The following SUZ12 variants were observed in gnomAD, a reference collection of about 807,000 sequenced individuals.
The protein encoded by SUZ12 is polycomb protein SUZ12.
A neutral mutation model predicts 87.3 loss-of-function variants in SUZ12; 17 were observed. The observed-to-expected ratio is 0.19, with a 90% CI of 0.13 to 0.29. The LOEUF is 0.29. SUZ12 is among the 10% of genes least tolerant of loss of function. The pLI is 1.00. For missense variants in SUZ12, 526 were observed against 912.2 expected (o/e 0.58, Z 5.45); for synonymous variants, 253 against 312.4 (o/e 0.81, Z 2.01).
intron 12 of SUZ12, chr17:31,994,246 A>G (rs942815520): frequency 8.8e-6 from 4 of 453,962 alleles, no homozygotes; most frequent in Non-Finnish European, 1.5e-5. Flanking sequence ...ATATATTTGG[A>G]ATTATAATTA....
chr17:31,979,070 C>G (rs1287191947), intron 8 of SUZ12, among the ~76,000 whole-genome samples: 1 of 138,784 alleles, frequency 7.2e-6, no homozygotes, highest in Non-Finnish European at 1.5e-5. Context: ...CGCGCCGCTG[C>G]ACTCCAGCCT....
chr17:31,995,863 A>C (rs35646011), intron 14 of SUZ12, 101 bp downstream of exon 14: 2 of 319,268 alleles, frequency 6.3e-6, no homozygotes, highest in Non-Finnish European at 1.0e-5. Context: ...AACTTTTTTT[A>C]AAAAAAAAAA....
chr17:31,944,753 AT>A (rs1198951411), intron 3 of SUZ12, among the ~76,000 whole-genome samples: 2 of 152,176 alleles, frequency 1.3e-5, no homozygotes, highest in East Asian at 1.9e-4. Flanking sequence ...CTTGTGTAAC[AT>A]TTAGTACTTA....
chr17:31,981,436 C>T (rs1909096398), intron 8 of SUZ12, among the ~76,000 whole-genome samples: 1 of 152,162 alleles, frequency 6.6e-6, no homozygotes, highest in Non-Finnish European at 1.5e-5. Context: ...AGCACTTGAT[C>T]AGGCTGTGGG....
In SUZ12 at chr17:32,000,555, A is replaced by G. The variant is rs1598195541; in HGVS notation, c.*1552A>G. 4.3e-6 allele frequency: 1 copy of G among 232,218 alleles called. No individual in the cohort carries two copies. Among genetic ancestry groups the G allele is most frequent in the Non-Finnish European group, 8.5e-6 (1 of 117,660 alleles). The allele number at this position is 232,218 out of a possible 1,614,324, so 14.4% of individuals were successfully genotyped here. On this transcript the variant is annotated 3_prime_UTR_variant, in exon 16 of 16. Transcript: ENST00000322652. ...CTCTCCAAATGATGAGTTCTAGTAA[A>G]CTCTGATTTTTGCCTCTGGATAGTA...
chr17:31,977,955 C>T (rs1295785744), intron 8 of SUZ12, among the ~76,000 whole-genome samples: 1 of 152,108 alleles, frequency 6.6e-6, no homozygotes, highest in Non-Finnish European at 1.5e-5. Context: ...TACAGGATGG[C>T]AAGAAACACA....
intron 4 of SUZ12, among the ~76,000 whole-genome samples, chr17:31,962,556 A>C (rs1907794854): frequency 6.6e-6 from 1 of 151,368 alleles, no homozygotes; most frequent in Non-Finnish European, 1.5e-5. Flanking sequence ...GTGCCACTGT[A>C]TACCAGTCTG....
At chr17:31,977,081 C>T (rs1165899484) in intron 8 of SUZ12, among the ~76,000 whole-genome samples, 1 of 152,048 alleles carries the variant, frequency 6.6e-6, no homozygotes, top group South Asian at 2.1e-4. Context: ...TGGACTGGGC[C>T]CTACGTAAAT....
chr17:31,988,597 C>CT (rs57744180), intron 10 of SUZ12, 100 bp downstream of exon 10: 84,629 of 929,276 alleles, frequency 0.091, 100 homozygotes, highest in East Asian at 0.1. Context: ...TGTGATTCTT[C>CT]TTTTTTTTTT....
chr17:31,967,990 G>T (rs1323988256), intron 5 of SUZ12, among the ~76,000 whole-genome samples: 1 of 152,142 alleles, frequency 6.6e-6, no homozygotes, highest in Non-Finnish European at 1.5e-5. Context: ...CTGTCTGTAA[G>T]AAGTAAAAAA....
At chr17:31,952,737 A>C (rs911159311) in intron 4 of SUZ12, among the ~76,000 whole-genome samples, 3 of 151,262 alleles carry the variant, frequency 2.0e-5, no homozygotes, top group African/African-American at 7.3e-5. Flanking sequence ...TACTTTTTGC[A>C]TTTTTAGTAG....
intron 15 of SUZ12, among the ~76,000 whole-genome samples, chr17:31,997,408 A>C (rs1037713599): frequency 6.6e-6 from 1 of 152,156 alleles, no homozygotes; most frequent in Non-Finnish European, 1.5e-5. Flanking sequence ...CATGCCTGTA[A>C]TCCCAGTACT....
In SUZ12 at chr17:31,937,200, G is replaced by C. The variant is rs1905979617; in HGVS notation, c.-47G>C. The C allele has an allele frequency of 4.3e-6, 6 of 1,391,782 alleles. No homozygotes were observed. The highest frequency in any genetic ancestry group is 5.5e-6 in the Non-Finnish European group (6 of 1,083,144). 86.2% of individuals were successfully genotyped at this position (1,391,782 alleles called of 1,614,324 possible). On this transcript the variant is annotated 5_prime_UTR_variant, in exon 1 of 16. Transcript: ENST00000322652. ...TTGGTATTGCAGGCGCTTGCTCTCC[G>C]GGGCCGCCCGGCGGGTAGCTGGCGG...
Position 31,998,822 on chromosome 17 carries a change from A to G in SUZ12, c.2039A>G (p.Lys680Arg). The part of the protein sequence containing the change: ...SIMSIDKAVT[K>R]LREMQQKLEK... Reference sequence around the variant, plus strand: ...ATGTCAATAGATAAAGCTGTTACCAAGCTCCGTGAAATGCAGCAAAAATTA... The same window carrying G: ...ATGTCAATAGATAAAGCTGTTACCAGGCTCCGTGAAATGCAGCAAAAATTA... The change falls in exon 16 of 16, where the codon AAG (lysine) becomes AGG (arginine). Residue 680 changes from lysine to arginine, a missense_variant. This residue lies in a region of SUZ12 where 143 missense variants were observed against 321.6 expected (regional missense o/e 0.44). Transcript: ENST00000322652. The G allele has an allele frequency of 6.2e-7, 1 of 1,613,722 alleles. No individual in the cohort carries two copies. Among genetic ancestry groups the G allele is most frequent in the Non-Finnish European group, 8.5e-7 (1 of 1,179,882 alleles).
intron 4 of SUZ12, among the ~76,000 whole-genome samples, chr17:31,952,094 G>A (rs953833766): frequency 9.2e-5 from 14 of 152,166 alleles, no homozygotes; most frequent in Admixed American, 7.9e-4. Context: ...AAGAGACAGG[G>A]TCTTGCTCTG....
intron 6 of SUZ12, among the ~76,000 whole-genome samples, chr17:31,973,778 A>G (rs1450072407): frequency 1.3e-5 from 2 of 152,122 alleles, no homozygotes; most frequent in African/African-American, 4.8e-5. Context: ...TAGTTGCCTC[A>G]AGTCCTCGAG....
chr17:31,982,929 A>G, intron 8 of SUZ12, 70 bp from the exon 9 acceptor site: 2 of 1,393,834 alleles, frequency 1.4e-6, no homozygotes, highest in Non-Finnish European at 2.0e-6. Flanking sequence ...GTATAAATCT[A>G]AAGATGTAGA....
intron 8 of SUZ12, among the ~76,000 whole-genome samples, chr17:31,978,422 T>C (rs918977454): frequency 1.3e-5 from 2 of 152,132 alleles, no homozygotes; most frequent in African/African-American, 4.8e-5. Flanking sequence ...TTGGCCAGGC[T>C]GGTCTGGAGC....
chr17:31,962,288 A>G (rs1907774651), intron 4 of SUZ12, among the ~76,000 whole-genome samples: 1 of 152,012 alleles, frequency 6.6e-6, no homozygotes, highest in East Asian at 1.9e-4. Flanking sequence ...AAAAAAAATA[A>G]TTGAATTAAA....
Sources: gnomAD v4.1 joint callset for allele counts (sites outside exome capture counted in the v4.1 genomes callset) on GRCh38, gnomAD v4.1.1 for gene constraint, gnomAD v4.1.1 regional missense constraint, MANE v1.5 for transcripts, NCBI Gene and HGNC (gene_info 2026-07-23, HGNC 2026-07-21) for gene names.